ZNF804B: variants seen among roughly 807,000 people sequenced by gnomAD.
The protein encoded by ZNF804B is zinc finger 804B.
A neutral mutation model predicts 101.4 loss-of-function variants in ZNF804B; 80 were observed. That is an observed-to-expected ratio of 0.79 (90% CI 0.66 to 0.95). The LOEUF is 0.95. Ranked by LOEUF, ZNF804B falls within the 40% of genes least tolerant of loss-of-function variation. ZNF804B has a pLI of 0.00. For synonymous variants in ZNF804B, 622 were observed against 558.8 expected (o/e 1.11, Z -1.59); for missense variants, 1,673 against 1,561.9 (o/e 1.07, Z -1.20).
intron 1 of ZNF804B, among the ~76,000 whole-genome samples, chr7:88,863,243 G>A (rs151145227): frequency 2.0e-5 from 3 of 152,088 alleles, no homozygotes; most frequent in East Asian, 1.9e-4. Flanking sequence ...ACCCTACCTC[G>A]GCTTCCTTAA....
intron 1 of ZNF804B, among the ~76,000 whole-genome samples, chr7:88,962,958 C>G (rs1384850191): frequency 6.6e-6 from 1 of 150,388 alleles, no homozygotes; most frequent in Admixed American, 6.7e-5. Flanking sequence ...AGACAATTAA[C>G]ATGTTTAGCT....
At chr7:88,954,344 G>A (rs1048502452) in intron 1 of ZNF804B, among the ~76,000 whole-genome samples, 1 of 151,596 alleles carries the variant, frequency 6.6e-6, no homozygotes, top group Non-Finnish European at 1.5e-5. Context: ...TCTGTTTACT[G>A]TTACTCTTAA....
rs139794911 is a variant in ZNF804B at position 88,872,381 on chromosome 7, C to A, written c.108+112297C>A. ...GCAGTGAGCTATGATTGCGCCACTT[C>A]ACTCCAGCCTGAGTGACAGAGCAAG... On this transcript the variant is annotated intron_variant, in intron 1 of 3. Coordinates refer to ENST00000333190, the MANE Select transcript of ZNF804B (RefSeq NM_181646.5). Among the ~76,000 whole-genome samples the A allele has an allele frequency of 2.1e-3, 320 of 152,254 alleles. 7 individuals carry two copies. The East Asian group carries it at 0.04, about 19-fold the overall frequency.
Position 89,335,438 on chromosome 7 carries a change from G to T in ZNF804B, c.2456G>T (p.Gly819Val). Residue 819 changes from glycine (G) to valine (V), a missense_variant, in exon 4 of 4, where the codon GGG becomes GTG. By Grantham distance (109) the Gly-to-Val change is moderately radical. Transcript: ENST00000333190. Reference protein sequence around the residue: ...KLGKNQQQFSGLKSTRIIYCD... With the variant: ...KLGKNQQQFSVLKSTRIIYCD... ...GGCAAAAATCAACAACAATTTTCAG[G>T]GCTAAAATCTACGAGAATCATCTAT... 1 of 1,613,818 alleles carries T rather than the reference G, an allele frequency of 6.2e-7. No individual in the cohort carries two copies. The highest frequency in any genetic ancestry group is 1.3e-5 in the African/African-American group (1 of 74,972).
chr7:89,256,933 A>G (rs1789639993), intron 2 of ZNF804B, among the ~76,000 whole-genome samples: 1 of 152,222 alleles, frequency 6.6e-6, no homozygotes, highest in South Asian at 2.1e-4. Context: ...TCTAAACTAC[A>G]TATGTTTAAT....
intron 1 of ZNF804B, among the ~76,000 whole-genome samples, chr7:88,956,295 T>A (rs1793307669): frequency 6.6e-6 from 1 of 151,582 alleles, no homozygotes; most frequent in African/African-American, 2.4e-5. Flanking sequence ...TTATGTTTAT[T>A]GCACCACTAT....
At chr7:89,103,350 A>G (rs1420229908) in intron 1 of ZNF804B, among the ~76,000 whole-genome samples, 7 of 151,708 alleles carry the variant, frequency 4.6e-5, no homozygotes, top group Admixed American at 3.3e-4. Context: ...GATTCTTCCA[A>G]TCAATGAACA....
intron 1 of ZNF804B, among the ~76,000 whole-genome samples, chr7:88,818,105 G>A (rs886952765): frequency 6.6e-6 from 1 of 152,132 alleles, no homozygotes; most frequent in Non-Finnish European, 1.5e-5. Context: ...AAAAGTTTGA[G>A]ATGAGGAAAA....
intron 2 of ZNF804B, among the ~76,000 whole-genome samples, chr7:89,264,380 C>T (rs1054989088): frequency 6.6e-6 from 1 of 152,216 alleles, no homozygotes; most frequent in African/African-American, 2.4e-5. Flanking sequence ...ATATCTCAAA[C>T]TAATACAGTC....
intron 1 of ZNF804B, among the ~76,000 whole-genome samples, chr7:88,784,117 A>C (rs1361905643): frequency 6.6e-6 from 1 of 152,182 alleles, no homozygotes; most frequent in Non-Finnish European, 1.5e-5. Context: ...GCAAAAAAAG[A>C]AGTGACCTGG....
chr7:89,072,900 A>C (rs941698612), intron 1 of ZNF804B, among the ~76,000 whole-genome samples: 2 of 152,114 alleles, frequency 1.3e-5, no homozygotes, highest in Non-Finnish European at 2.9e-5. Flanking sequence ...AGAGCTCAGA[A>C]ATGCACCTGG....
At chr7:89,078,497 G>A (rs768072930) in intron 1 of ZNF804B, among the ~76,000 whole-genome samples, 2 of 151,742 alleles carry the variant, frequency 1.3e-5, no homozygotes, top group South Asian at 2.1e-4. Context: ...TGTTTTATTT[G>A]TTTTCCTACC....
intron 2 of ZNF804B, among the ~76,000 whole-genome samples, chr7:89,276,525 C>T (rs1789983826): frequency 1.3e-5 from 2 of 151,738 alleles, no homozygotes; most frequent in African/African-American, 2.4e-5. Flanking sequence ...TGGGAGACTA[C>T]AGTGGACTTC....
chr7:88,946,099 T>A (rs1793124011), intron 1 of ZNF804B, among the ~76,000 whole-genome samples: 1 of 152,100 alleles, frequency 6.6e-6, no homozygotes, highest in Non-Finnish European at 1.5e-5. Context: ...CTTGCCTTAT[T>A]TCCCTGGCTA....
chr7:88,818,179 T>A (rs960007542), intron 1 of ZNF804B, among the ~76,000 whole-genome samples: 2 of 152,328 alleles, frequency 1.3e-5, no homozygotes, highest in Admixed American at 6.5e-5. Context: ...AAATGTTTTA[T>A]TAAATGTCCA....
At position 89,103,048 on chromosome 7, in the gene ZNF804B, G is replaced by GTTTTTTTTTTT. The variant is rs56693128; in HGVS notation, c.109-115082_109-115072dup. ...TTCTATTCCATTGACCTATGTGTCT[G>GTTTTTTTTTTT]TTTTTTTTTTTTTTTTTTTTTTTTT... On this transcript the variant is annotated intron_variant, in intron 1 of 3. Transcript: ENST00000333190. Among the ~76,000 whole-genome samples, 10 of 33,750 alleles carry GTTTTTTTTTTT rather than the reference G, an allele frequency of 3.0e-4. 1 individual carries two copies. Among genetic ancestry groups the GTTTTTTTTTTT allele is most frequent in the African/African-American group, 7.5e-4 (7 of 9,376 alleles). 22.1% of individuals were successfully genotyped at this position (33,750 alleles called of 152,430 possible).
At chr7:89,112,357 A>G (rs1384948838) in intron 1 of ZNF804B, among the ~76,000 whole-genome samples, 2 of 152,092 alleles carry the variant, frequency 1.3e-5, no homozygotes, top group Non-Finnish European at 2.9e-5. Context: ...TTATTCCTCT[A>G]CCATTTGTTG....
chr7:89,306,814 AC>A (rs1182608574), intron 2 of ZNF804B, among the ~76,000 whole-genome samples: 6 of 152,024 alleles, frequency 3.9e-5, no homozygotes, highest in Admixed American at 1.3e-4. Context: ...GCGGTTTAGA[AC>A]ACAGATTTAG....
chr7:89,290,925 G>A (rs1356280004), intron 2 of ZNF804B, among the ~76,000 whole-genome samples: 1 of 152,114 alleles, frequency 6.6e-6, no homozygotes, highest in African/African-American at 2.4e-5. Flanking sequence ...AGCTACAAGT[G>A]ACTCACCACA....
Sources: allele counts gnomAD v4.1 joint callset (sites outside exome capture counted in the v4.1 genomes callset), GRCh38; gene constraint gnomAD v4.1.1; transcripts MANE v1.5; gene names NCBI Gene and HGNC (gene_info 2026-07-23, HGNC 2026-07-21).